Variants in PLD3 observed in about 807,000 individuals in gnomAD.
PLD3 encodes the protein phospholipase D family member 3.
In PLD3, 31 loss-of-function variants were observed where a neutral mutation model predicts 58.4. The observed-to-expected ratio is 0.53, with a 90% CI of 0.40 to 0.72. The LOEUF (loss-of-function observed/expected upper bound fraction) is 0.72. Among genes scored for constraint, PLD3 ranks in the 30% least tolerant of loss-of-function variants. PLD3 has a pLI of 0.00. For synonymous variants in PLD3, 264 were observed against 273.4 expected, an observed-to-expected ratio of 0.97 and a Z score of 0.34; for missense variants, 595 against 659.8, an observed-to-expected ratio of 0.90 and a Z score of 1.08.
intron 1 of PLD3, among the ~76,000 whole-genome samples, chr19:40,361,699 G>C (rs984145097): frequency 1.7e-4 from 26 of 151,488 alleles, no homozygotes; most frequent in Non-Finnish European, 3.4e-4. Context: ...TTTTTCTTCA[G>C]GTATCCCCTT....
intron 1 of PLD3, among the ~76,000 whole-genome samples, chr19:40,355,302 C>G (rs2078627033): frequency 6.6e-6 from 1 of 151,474 alleles, no homozygotes; most frequent in African/African-American, 2.4e-5. Context: ...GATTTTTTTT[C>G]CTTTTTTTTT....
At chr19:40,364,285 C>T (rs954855910) in intron 1 of PLD3, among the ~76,000 whole-genome samples, 1 of 151,632 alleles carries the variant, frequency 6.6e-6, no homozygotes, top group Non-Finnish European at 1.5e-5. Context: ...AACCACAAGG[C>T]GGAGGTTGCA....
Position 40,371,777 on chromosome 19 carries a change from C to G in PLD3, c.783C>G (p.Ile261Met), listed in dbSNP as rs1296256180. The change falls in exon 9 of 13, where the codon ATC (isoleucine) becomes ATG (methionine). Residue 261 changes from isoleucine (I) to methionine (M), a missense_variant. Ile to Met is a conservative substitution (Grantham distance 10, BLOSUM62 1). Transcript: ENST00000409735. ...TCCTGGGCCAGGCAGGCAGCTCCAT[C>G]CCATCAACTTGGCCCCGGTTCTATG... is the stretch of plus-strand genomic sequence containing the variant. ...YWFLGQAGSS[I>M]PSTWPRFYDT... is the part of the protein sequence containing the mutation. 6.2e-7 allele frequency: 1 copy of G among 1,613,994 alleles called. No individual in the cohort carries two copies. The highest frequency in any genetic ancestry group is 1.1e-5 in the South Asian group (1 of 91,088).
At position 40,378,137 on chromosome 19, in the gene PLD3, A is replaced by G. The variant is rs765929455; in HGVS notation, c.1437A>G (p.Ser479=). The stretch of plus-strand genomic sequence containing the variant: ...CTTACAGCCATGACCTTGACACCTC[A>G]GCTGACAGCGTGGGCAACGCCTGCC... ...DSPYSHDLDT[S]ADSVGNACRL... Residue 479 remains serine, a synonymous_variant, in exon 13 of 13, where the codon TCA becomes TCG. Transcript: ENST00000409735. 3 of 1,613,080 alleles carry G rather than the reference A, an allele frequency of 1.9e-6. No individual in the cohort carries two copies. In the South Asian group the frequency reaches 3.3e-5, roughly 18 times the overall value.
intron 5 of PLD3, 176 bp downstream of exon 5, chr19:40,367,091 C>T (rs984338249): frequency 1.7e-5 from 11 of 635,532 alleles, no homozygotes; most frequent in Admixed American, 3.2e-5. Flanking sequence ...GTTTCTATGG[C>T]AGCCACAGCG....
intron 5 of PLD3, 183 bp from the exon 6 acceptor site, chr19:40,367,513 C>G (rs527437198): frequency 1.9e-6 from 1 of 530,464 alleles, no homozygotes; most frequent in Non-Finnish European, 3.4e-6. Flanking sequence ...CCCAGGGGTT[C>G]GAGGCTGCAG....
rs1006544436 is a variant in PLD3, at chr19:40,366,407, T to G, written c.-65-12T>G. ...AGAACACCCCACACAGTGCCCACTT[T>G]TGTTCTGCCAGTTTGGAGACCCTGA... On this transcript the variant is annotated splice_polypyrimidine_tract_variant and intron_variant, in intron 2 of 12. Coordinates refer to ENST00000409735, the MANE Select transcript of PLD3 (RefSeq NM_012268.4). The G allele has an allele frequency of 1.1e-5, 14 of 1,309,788 alleles. No individual in the cohort carries two copies. Among genetic ancestry groups the G allele is most frequent in the Non-Finnish European group, 1.1e-6 (1 of 902,684 alleles). 81.1% of individuals were successfully genotyped at this position (1,309,788 alleles called of 1,614,324 possible). A position where few individuals can be genotyped will look rare whatever the true frequency, so the allele number is the denominator to read the frequency against.
chr19:40,354,070 T>C (rs1264202859), intron 1 of PLD3, among the ~76,000 whole-genome samples: 17 of 14,842 alleles, frequency 1.1e-3, no homozygotes, highest in South Asian at 8.0e-3. Flanking sequence ...TTTTTTAGCC[T>C]TTTTTTTTTT....
rs1239609353 is a variant in PLD3 at position 40,366,637 on chromosome 19, A to T, written c.55A>T (p.Asn19Tyr). 6.3e-7 allele frequency: 1 copy of T among 1,584,818 alleles called. No homozygotes were observed. Among genetic ancestry groups the T allele is most frequent in the Non-Finnish European group, 8.6e-7 (1 of 1,163,702 alleles). Residue 19 changes from asparagine (N) to tyrosine (Y), a missense_variant, in exon 4 of 13, where the codon AAT (asparagine) becomes TAT (tyrosine). Physicochemically the swap from Asn to Tyr is moderately radical, Grantham distance 143 (BLOSUM62 -2). Coordinates refer to ENST00000409735, the MANE Select transcript of PLD3 (RefSeq NM_012268.4). The stretch of plus-strand genomic sequence containing the variant: ...GAAGGTGCCTGCAGAGGAGCCCGCC[A>T]ATGAGCTGCCCATGAATGAGATTGA... ...ELKVPAEEPA[N>Y]ELPMNEIEAW...
chr19:40,370,874 G>T (rs2145694450), intron 8 of PLD3: 1 of 153,002 alleles, frequency 6.5e-6, no homozygotes, highest in East Asian at 1.9e-4. Context: ...GGAACATGGT[G>T]GTAACAGATG....
At chr19:40,376,363 A>AAAGG in intron 10 of PLD3, 1 of 381,848 alleles carries the variant, frequency 2.6e-6, no homozygotes. Context: ...CTCAAAAAAA[A>AAAGG]AAAGAAAGAA....
At chr19:40,359,310 A>C (rs2078725416) in intron 1 of PLD3, 1 of 152,180 alleles carries the variant, frequency 6.6e-6, no homozygotes, top group East Asian at 1.9e-4. Flanking sequence ...TCAGCCTCCC[A>C]AAGTGCTGGA....
chr19:40,374,757 C>A, intron 10 of PLD3, 137 bp downstream of exon 10: 1 of 897,054 alleles, frequency 1.1e-6, no homozygotes, highest in Non-Finnish European at 1.7e-6. Context: ...AGACAGTCAC[C>A]AGGAGGTGAC....
rs2078903856 is a variant in PLD3, at chr19:40,365,777, GGGGCACGCACT to G, written c.-217_-207del. On this transcript the variant is annotated 5_prime_UTR_variant, in exon 2 of 13. Transcript: ENST00000409735. ...CTTCTCGCTGCGGTGAGCCCGGACT[GGGGCACGCACT>G]GCGCAGACTCCCCGCTGCAGTGGGC... The G allele has an allele frequency of 6.5e-6, 1 of 152,848 alleles. No individual in the cohort carries two copies. 9.5% of individuals were successfully genotyped at this position (152,848 alleles called of 1,614,324 possible).
intron 11 of PLD3, among the ~76,000 whole-genome samples, chr19:40,377,193 AGGCCCAGGCAGAGG>A (rs1326064914): frequency 5.2e-5 from 2 of 38,274 alleles, no homozygotes; most frequent in South Asian, 1.1e-3. Flanking sequence ...AGGATGGAGG[AGGCCCAGGCAGAGG>A]GGTGAGGGCT....
intron 10 of PLD3, 83 bp from the exon 11 acceptor site, chr19:40,376,526 T>G (rs2145706250): frequency 1.4e-6 from 2 of 1,390,568 alleles, no homozygotes; most frequent in East Asian, 4.6e-5. Context: ...GGGCCCAGGC[T>G]TGGTTCCCCA....
Position 40,369,962 on chromosome 19 carries a change from C to T in PLD3, c.484C>T (p.Arg162Cys), listed in dbSNP as rs1325388394. ...CCTGGCACCAAAGGGCGTGAACGTCCGCATCGCTGTGAGCAAGCCCAGCGG... is the reference window on the plus strand; with the variant it reads ...CCTGGCACCAAAGGGCGTGAACGTCTGCATCGCTGTGAGCAAGCCCAGCGG... ...QTLAPKGVNV[R>C]IAVSKPSGPQ... Residue 162 changes from arginine (R) to cysteine (C), a missense_variant, in exon 7 of 13, where the codon CGC (arginine) becomes TGC (cysteine). Arg to Cys is a radical substitution (Grantham distance 180). Transcript: ENST00000409735. The T allele has an allele frequency of 5.1e-6, 8 of 1,561,744 alleles. No individual in the cohort carries two copies. Among genetic ancestry groups the T allele is most frequent in the South Asian group, 1.2e-5 (1 of 85,118 alleles).
At chr19:40,357,311 G>A (rs1269959386) in intron 1 of PLD3, 3 of 152,198 alleles carry the variant, frequency 2.0e-5, no homozygotes, top group East Asian at 1.9e-4. Flanking sequence ...GGCTAGTCTC[G>A]AACTGCTGGG....
chr19:40,363,749 C>A (rs1033099372), intron 1 of PLD3, among the ~76,000 whole-genome samples: 1 of 152,034 alleles, frequency 6.6e-6, no homozygotes, highest in Non-Finnish European at 1.5e-5. Flanking sequence ...CCTTTTTAGG[C>A]ATCCCCATTT....
Sources: allele counts gnomAD v4.1 joint callset (sites outside exome capture counted in the v4.1 genomes callset), GRCh38; gene constraint gnomAD v4.1.1; transcripts MANE v1.5; gene names NCBI Gene and HGNC (gene_info 2026-07-23, HGNC 2026-07-21).